Variants in PARN observed in about 807,000 individuals in gnomAD.
PARN encodes the protein poly(A)-specific ribonuclease PARN.
A neutral mutation model predicts 102.8 loss-of-function variants in PARN; 71 were observed. The ratio of observed to expected loss-of-function variants is 0.69; its 90% CI spans 0.57 to 0.84. The LOEUF is 0.84. Among genes scored for constraint, PARN ranks in the 40% least tolerant of loss-of-function variants. The pLI is 0.00. For synonymous variants in PARN, 261 were observed against 252.9 expected (o/e 1.03, Z -0.30); for missense variants, 782 against 760.9 (o/e 1.03, Z -0.33).
chr16:14,553,257 A>T (rs1437532364), intron 20 of PARN, among the ~76,000 whole-genome samples: 30 of 454 alleles, frequency 0.066, no homozygotes, highest in South Asian at 0.19. Flanking sequence ...ATTTCTATTT[A>T]AAAAAAAAAA....
At chr16:14,443,300 A>G (rs1478397696) in intron 23 of PARN, among the ~76,000 whole-genome samples, 2 of 152,118 alleles carry the variant, frequency 1.3e-5, no homozygotes, top group Admixed American at 6.5e-5. Flanking sequence ...TTGGGTAAAG[A>G]GAAAAAATTA....
chr16:14,497,425 C>T (rs1013511837), intron 21 of PARN, among the ~76,000 whole-genome samples: 2 of 152,250 alleles, frequency 1.3e-5, no homozygotes, highest in Admixed American at 6.5e-5. Context: ...TGGGTCCTTT[C>T]ACCTGGACTA....
chr16:14,470,292 T>C (rs991382648), intron 22 of PARN, among the ~76,000 whole-genome samples: 2 of 152,094 alleles, frequency 1.3e-5, no homozygotes, highest in African/African-American at 2.4e-5. Flanking sequence ...AGCCTTTAAA[T>C]GGAAATACTG....
At chr16:14,620,966 C>T (rs566953142) in intron 5 of PARN, among the ~76,000 whole-genome samples, 1 of 152,282 alleles carries the variant, frequency 6.6e-6, no homozygotes, top group South Asian at 2.1e-4. Flanking sequence ...AAGGTAAATA[C>T]CGTATATATC....
chr16:14,501,905 C>T (rs560273674), intron 21 of PARN, among the ~76,000 whole-genome samples: 3 of 152,312 alleles, frequency 2.0e-5, no homozygotes, highest in Admixed American at 6.5e-5. Flanking sequence ...AAATCACTGC[C>T]GTTTCTGGAA....
intron 18 of PARN, among the ~76,000 whole-genome samples, chr16:14,570,853 T>C (rs901238421): frequency 2.7e-5 from 4 of 146,066 alleles, no homozygotes; most frequent in African/African-American, 1.0e-4. Flanking sequence ...CCAGGCATGG[T>C]GGCATGCGCC....
At chr16:14,620,768 G>A (rs772609304) in intron 5 of PARN, among the ~76,000 whole-genome samples, 5 of 152,120 alleles carry the variant, frequency 3.3e-5, no homozygotes, top group Non-Finnish European at 4.4e-5. Context: ...CCTGAGTTCT[G>A]GATTGTCCTA....
chr16:14,462,688 C>G (rs1036634069), intron 22 of PARN, among the ~76,000 whole-genome samples: 2 of 152,000 alleles, frequency 1.3e-5, no homozygotes, highest in African/African-American at 4.8e-5. Context: ...AAAAGAGGCT[C>G]TATAAAAAGG....
At chr16:14,604,569 T>C (rs1403421993) in intron 10 of PARN, among the ~76,000 whole-genome samples, 1 of 151,928 alleles carries the variant, frequency 6.6e-6, no homozygotes, top group Non-Finnish European at 1.5e-5. Context: ...CACAGATATA[T>C]ACAATTTTCT....
At chr16:14,439,543 A>C (rs149898874) in intron 23 of PARN, among the ~76,000 whole-genome samples, 1,989 of 152,330 alleles carry the variant, frequency 0.013, 13 homozygotes, top group Non-Finnish European at 0.021. Context: ...GTACATTTTA[A>C]TTGTAAAACC....
intron 22 of PARN, among the ~76,000 whole-genome samples, chr16:14,479,966 A>G (rs1314861763): frequency 6.6e-6 from 1 of 152,090 alleles, no homozygotes; most frequent in Non-Finnish European, 1.5e-5. Flanking sequence ...TAGGGTAGAC[A>G]AAGATTTTGG....
chr16:14,580,996 C>G (rs1327909047), intron 17 of PARN, 53 bp from the exon 18 acceptor site: 3 of 1,108,278 alleles, frequency 2.7e-6, no homozygotes, highest in East Asian at 4.7e-5. Context: ...TAGACCAAGC[C>G]TGAAAGTTCA....
rs868803130 is a variant in PARN at position 14,533,054 on chromosome 16, C to A, written c.1480+18967G>T. ...CAGCACTTTGGGAGGCCAAGGCAGG[C>A]GGCTGGGAGGTGGAGGTTGTAGCGA... is the stretch of plus-strand genomic sequence containing the variant. On this transcript the variant is annotated intron_variant, in intron 21 of 23. Coordinates refer to ENST00000437198, the MANE Select transcript of PARN (RefSeq NM_002582.4). Among the ~76,000 whole-genome samples, 3 of 152,080 alleles carry A rather than the reference C, an allele frequency of 2.0e-5. No individual in the cohort carries two copies. The South Asian group carries it at 6.2e-4, about 31-fold the overall frequency.
intron 14 of PARN, among the ~76,000 whole-genome samples, chr16:14,585,387 T>C (rs1276748458): frequency 2.9e-5 from 4 of 139,540 alleles, no homozygotes; most frequent in Non-Finnish European, 6.2e-5. Context: ...TTTTTTTTCA[T>C]ATAAATGTGA....
intron 23 of PARN, among the ~76,000 whole-genome samples, chr16:14,443,414 C>T (rs1189489871): frequency 6.6e-6 from 1 of 150,452 alleles, no homozygotes; most frequent in Non-Finnish European, 1.5e-5. Context: ...GATCTCAGCT[C>T]ACTGCAACCT....
chr16:14,531,815 C>T (rs1430097543), intron 21 of PARN, among the ~76,000 whole-genome samples: 1 of 151,662 alleles, frequency 6.6e-6, no homozygotes, highest in Non-Finnish European at 1.5e-5. Flanking sequence ...AAGCCCCAGA[C>T]TTCTCAATGA....
intron 13 of PARN, 67 bp from the exon 14 acceptor site, chr16:14,586,428 A>G: frequency 1.1e-6 from 1 of 931,950 alleles, no homozygotes; most frequent in Non-Finnish European, 1.7e-6. Context: ...AAACATGTAA[A>G]CAGCTCAAGT....
rs768703719 is a variant in PARN at position 14,482,734 on chromosome 16, T to C, written c.1574A>G (p.Lys525Arg). 6.2e-7 allele frequency: 1 copy of C among 1,613,972 alleles called. No individual in the cohort carries two copies. The highest frequency in any genetic ancestry group is 8.5e-7 in the Non-Finnish European group (1 of 1,179,824). Residue 525 changes from lysine (K) to arginine (R), a missense_variant, in exon 22 of 24, where the codon AAG becomes AGG. Physicochemically the swap from Lys to Arg is conservative, Grantham distance 26 (BLOSUM62 2). Coordinates refer to ENST00000437198, the MANE Select transcript of PARN (RefSeq NM_002582.4). Reference sequence around the variant, plus strand: ...CTCCTTCCAGCTATCTTCAGTCCACTTTCTTTTGATCTGCTTCTCTTCCTG... The same window carrying C: ...CTCCTTCCAGCTATCTTCAGTCCACCTTCTTTTGATCTGCTTCTCTTCCTG... The part of the protein sequence containing the change: ...RKQEEKQIKR[K>R]WTEDSWKEAD...
chr16:14,575,080 G>A (rs1163063571), intron 18 of PARN, among the ~76,000 whole-genome samples: 3 of 152,240 alleles, frequency 2.0e-5, no homozygotes, highest in African/African-American at 7.2e-5. Flanking sequence ...TTCAGAAGAT[G>A]TATGGACATG....
Sources: allele counts gnomAD v4.1 joint callset (sites outside exome capture counted in the v4.1 genomes callset), GRCh38; gene constraint gnomAD v4.1.1; transcripts MANE v1.5; gene names NCBI Gene and HGNC (gene_info 2026-07-23, HGNC 2026-07-21).